ATP8A2: variants seen among roughly 807,000 people sequenced by gnomAD.
ATP8A2 encodes the protein phospholipid-transporting ATPase IB.
ATP8A2 carries 100 observed loss-of-function variants against 165.6 expected under a neutral mutation model. The ratio of observed to expected loss-of-function variants is 0.60; its 90% confidence interval spans 0.51 to 0.71. ATP8A2 has a LOEUF of 0.71. Ranked by LOEUF, ATP8A2 falls within the 30% of genes least tolerant of loss-of-function variation. ATP8A2 has a pLI of 0.00. For synonymous variants in ATP8A2, 543 were observed against 548.8 expected (o/e 0.99, Z 0.15); for missense variants, 1,227 against 1,479.5 (o/e 0.83, Z 2.80).
At chr13:25,692,403 C>T (rs528257072) in intron 24 of ATP8A2, among the ~76,000 whole-genome samples, 20 of 152,254 alleles carry the variant, frequency 1.3e-4, no homozygotes, top group East Asian at 3.9e-4. Context: ...GGAAATCCCT[C>T]GTGGCCCTGC....
chr13:25,468,554 C>T (rs1041555380), intron 1 of ATP8A2, among the ~76,000 whole-genome samples: 1 of 152,226 alleles, frequency 6.6e-6, no homozygotes, highest in South Asian at 2.1e-4. Context: ...GAGCTCAGTT[C>T]CCGGGACTAG....
At chr13:25,658,082 T>A (rs2041972826) in intron 24 of ATP8A2, among the ~76,000 whole-genome samples, 1 of 152,156 alleles carries the variant, frequency 6.6e-6, no homozygotes, top group African/African-American at 2.4e-5. Context: ...ATTGGGCAAC[T>A]TGGCACCAAG....
intron 33 of ATP8A2, among the ~76,000 whole-genome samples, chr13:25,941,821 C>A (rs935095327): frequency 6.6e-6 from 1 of 152,078 alleles, no homozygotes; most frequent in Non-Finnish European, 1.5e-5. Context: ...AAATAAGTGG[C>A]CTATTCAAAT....
chr13:25,461,941 G>A (rs527970292), intron 1 of ATP8A2, among the ~76,000 whole-genome samples: 2 of 152,190 alleles, frequency 1.3e-5, no homozygotes, highest in East Asian at 1.9e-4. Context: ...TTCACCAACT[G>A]ACACTTTACA....
At chr13:25,919,677 C>G (rs925285079) in intron 33 of ATP8A2, among the ~76,000 whole-genome samples, 1 of 152,172 alleles carries the variant, frequency 6.6e-6, no homozygotes, top group African/African-American at 2.4e-5. Flanking sequence ...TACTCTGAAA[C>G]TAGTCTCACC....
intron 1 of ATP8A2, among the ~76,000 whole-genome samples, chr13:25,429,488 C>G (rs1037777881): frequency 1.3e-5 from 2 of 151,816 alleles, no homozygotes; most frequent in Non-Finnish European, 2.9e-5. Flanking sequence ...AAATGGTCAG[C>G]TGGATGGCTG....
At chr13:25,669,858 C>A (rs540492997) in intron 24 of ATP8A2, among the ~76,000 whole-genome samples, 4 of 152,266 alleles carry the variant, frequency 2.6e-5, no homozygotes, top group South Asian at 2.1e-4. Context: ...AGGAATGAAA[C>A]AAGTACCAGC....
chr13:25,682,848 G>T (rs1285049931), intron 24 of ATP8A2, among the ~76,000 whole-genome samples: 1 of 152,128 alleles, frequency 6.6e-6, no homozygotes, highest in Non-Finnish European at 1.5e-5. Context: ...GGAGCTCAGG[G>T]TTGGCCTGCA....
chr13:25,733,850 A>G (rs1326261320), intron 25 of ATP8A2, among the ~76,000 whole-genome samples: 1 of 48,298 alleles, frequency 2.1e-5, no homozygotes, highest in East Asian at 6.2e-4. Context: ...ACACAAAATT[A>G]TAAACCACAA....
chr13:25,884,425 C>T (rs1356248228), intron 33 of ATP8A2, among the ~76,000 whole-genome samples: 2 of 152,178 alleles, frequency 1.3e-5, no homozygotes, highest in Non-Finnish European at 2.9e-5. Flanking sequence ...AAAGCAGATC[C>T]CCCGCTTCTG....
intron 27 of ATP8A2, among the ~76,000 whole-genome samples, chr13:25,806,576 G>C (rs1950744940): frequency 6.6e-6 from 1 of 151,996 alleles, no homozygotes; most frequent in Admixed American, 6.6e-5. Flanking sequence ...AAAGCAAGTG[G>C]CCAAAAGCAA....
rs747390022 is a variant in ATP8A2 at position 25,699,321 on chromosome 13, C to G, written c.2360C>G (p.Ser787Trp). Residue 787 changes from serine to tryptophan, a missense_variant, in exon 25 of 37, where the codon TCG (serine) becomes TGG (tryptophan). This residue lies in a region of ATP8A2 where 592 missense variants were observed against 785.6 expected (regional missense o/e 0.75). Transcript: ENST00000381655. ...VRRSFLDLAL[S>W]CKAVICCRVS... ...AGGAGTTTCCTGGATTTGGCACTCT[C>G]GTGCAAAGCGGTCATATGCTGCAGG... 1 of 1,613,102 alleles carries G rather than the reference C, an allele frequency of 6.2e-7. No individual in the cohort carries two copies. The highest frequency in any genetic ancestry group is 2.2e-5 in the East Asian group (1 of 44,834).
At chr13:25,878,051 A>T (rs1952865280) in intron 33 of ATP8A2, among the ~76,000 whole-genome samples, 1 of 152,204 alleles carries the variant, frequency 6.6e-6, no homozygotes, top group Admixed American at 6.5e-5. Flanking sequence ...ACTTCCACTC[A>T]GCTCTAGAGA....
intron 25 of ATP8A2, among the ~76,000 whole-genome samples, chr13:25,752,121 T>C (rs866544897): frequency 4.6e-5 from 7 of 152,012 alleles, no homozygotes; most frequent in Admixed American, 6.6e-5. Flanking sequence ...AAATTTTACA[T>C]GTGCATAACT....
chr13:26,014,192 G>C (rs1956912504), intron 36 of ATP8A2, among the ~76,000 whole-genome samples: 1 of 152,172 alleles, frequency 6.6e-6, no homozygotes, highest in Non-Finnish European at 1.5e-5. Flanking sequence ...GTTACTTAAT[G>C]TCTGCTTCTG....
At chr13:25,553,349 C>T (rs1005100911) in intron 11 of ATP8A2, among the ~76,000 whole-genome samples, 1 of 152,140 alleles carries the variant, frequency 6.6e-6, no homozygotes, top group Non-Finnish European at 1.5e-5. Flanking sequence ...TTGTCTGCTT[C>T]TCTTGTTCAC....
chr13:25,615,905 C>A (rs1022495053), intron 24 of ATP8A2, among the ~76,000 whole-genome samples: 6 of 152,134 alleles, frequency 3.9e-5, no homozygotes, highest in Non-Finnish European at 1.5e-5. Flanking sequence ...TCTCCTGAAG[C>A]TCGCAGCAGT....
At chr13:25,593,680 T>A (rs1039720983) in intron 24 of ATP8A2, among the ~76,000 whole-genome samples, 5 of 152,134 alleles carry the variant, frequency 3.3e-5, no homozygotes, top group Non-Finnish European at 7.4e-5. Context: ...CTGAGAGGAA[T>A]GGGTAGGAGG....
At chr13:25,900,776 C>T (rs1191689122) in intron 33 of ATP8A2, among the ~76,000 whole-genome samples, 2 of 152,114 alleles carry the variant, frequency 1.3e-5, no homozygotes, top group Non-Finnish European at 2.9e-5. Flanking sequence ...TCCAAGGCAC[C>T]TGCTAGAGTT....
Sources: allele counts gnomAD v4.1 joint callset (sites outside exome capture counted in the v4.1 genomes callset), GRCh38; gene constraint gnomAD v4.1.1; regional missense constraint gnomAD v4.1.1; transcripts MANE v1.5; gene names NCBI Gene and HGNC (gene_info 2026-07-23, HGNC 2026-07-21).